The following INSL6 variants were observed in gnomAD, a reference collection of about 807,000 sequenced individuals.
INSL6 encodes insulin-like peptide INSL6.
INSL6 carries 16 observed loss-of-function variants against 9.4 expected under a neutral mutation model. That is an observed-to-expected ratio of 1.70 (90% CI 1.15 to 2.59). The LOEUF (loss-of-function observed/expected upper bound fraction) is 2.59, where lower values mean the gene tolerates loss of function less well. INSL6 is among the 30% of genes most tolerant of loss of function. INSL6 has a pLI of 0.00. For missense variants in INSL6, 391 were observed against 257.3 expected, an observed-to-expected ratio of 1.52 and a Z score of -3.56; for synonymous variants, 154 against 96.9, an observed-to-expected ratio of 1.59 and a Z score of -3.46.
chr9:5,071,392 A>G, the INSL6 span, among the ~76,000 whole-genome samples: 7 of 152,354 alleles, frequency 4.6e-5, no homozygotes, highest in East Asian at 1.3e-3. Flanking sequence ...GATACAGACT[A>G]TAAAATACAT....
the INSL6 span, among the ~76,000 whole-genome samples, chr9:5,106,640 G>C: frequency 6.6e-6 from 1 of 152,124 alleles, no homozygotes; most frequent in East Asian, 1.9e-4. Flanking sequence ...GCAAAGACTT[G>C]GAACCAACCC....
chr9:5,078,268 G>C, the INSL6 span: 1 of 1,573,594 alleles, frequency 6.4e-7, no homozygotes, highest in Non-Finnish European at 8.7e-7. Flanking sequence ...AGTACTTGTG[G>C]ACTGATATTT....
chr9:5,175,522 G>A (rs996005681), intron 1 of INSL6, among the ~76,000 whole-genome samples: 9 of 152,098 alleles, frequency 5.9e-5, no homozygotes, highest in East Asian at 1.9e-4. Flanking sequence ...TAAAACAGGG[G>A]GTCCCCAACC....
rs775568041 is a variant in INSL6, at chr9:5,126,378, G to C, written c.*11-1867C>G. ...CAATGACAAACAAGGACAGATGATC[G>C]TGTTCCATTTGATAGAACTTTTGAA... On this transcript the variant is annotated intron_variant, in intron 3 of 3. Coordinates refer to the INSL6 transcript ENST00000649639. 4.3e-6 allele frequency: 7 copies of C among 1,610,960 alleles called. No individual in the cohort carries two copies. The South Asian group carries it at 6.6e-5, about 15-fold the overall frequency.
the INSL6 span, chr9:5,077,719 A>G: frequency 6.2e-6 from 3 of 484,256 alleles, no homozygotes; most frequent in East Asian, 1.2e-4. Flanking sequence ...AGGTGATAAA[A>G]AGAGATTACT....
intron 2 of INSL6, among the ~76,000 whole-genome samples, chr9:5,152,273 A>G (rs1824727405): frequency 6.6e-6 from 1 of 152,206 alleles, no homozygotes; most frequent in South Asian, 2.1e-4. Flanking sequence ...AAAATAGCAG[A>G]ATACACGTTT....
At chr9:5,158,214 A>G (rs1409719078) in intron 2 of INSL6, among the ~76,000 whole-genome samples, 1 of 152,188 alleles carries the variant, frequency 6.6e-6, no homozygotes, top group Non-Finnish European at 1.5e-5. Flanking sequence ...AAATAGCCCA[A>G]AAAGGGCAAA....
the INSL6 span, among the ~76,000 whole-genome samples, chr9:5,019,234 T>G: frequency 2.0e-5 from 3 of 152,166 alleles, no homozygotes; most frequent in African/African-American, 7.2e-5. Flanking sequence ...TCATGCAGGC[T>G]TTGTTCATTC....
the INSL6 span, among the ~76,000 whole-genome samples, chr9:5,035,864 T>C: frequency 1.3e-5 from 2 of 152,200 alleles, no homozygotes; most frequent in African/African-American, 4.8e-5. Context: ...CAACATAGTG[T>C]TGGAAGTTCT....
At chr9:5,004,539 G>A in the INSL6 span, among the ~76,000 whole-genome samples, 3 of 152,116 alleles carry the variant, frequency 2.0e-5, no homozygotes, top group Non-Finnish European at 4.4e-5. Context: ...TTCATCTGTT[G>A]ATGGACACTT....
the INSL6 span, chr9:5,109,864 C>G: frequency 2.0e-5 from 3 of 152,286 alleles, no homozygotes; most frequent in South Asian, 6.2e-4. Context: ...CAATATTCCA[C>G]CAACAAACTC....
the INSL6 span, among the ~76,000 whole-genome samples, chr9:5,118,470 A>C: frequency 6.6e-6 from 1 of 152,342 alleles, no homozygotes; most frequent in South Asian, 2.1e-4. Flanking sequence ...TTATCATTGA[A>C]GTTACTAGGA....
At chr9:5,078,570 C>A in the INSL6 span, 1 of 722,582 alleles carries the variant, frequency 1.4e-6, no homozygotes, top group Non-Finnish European at 2.2e-6. Context: ...ATAAAATTAT[C>A]ACTTTTAGCA....
chr9:5,080,664 T>C, the INSL6 span: 2 of 1,589,588 alleles, frequency 1.3e-6, no homozygotes, highest in Admixed American at 3.7e-5. Context: ...TACGAGATCT[T>C]AACAGTTTGT....
intron 1 of INSL6, among the ~76,000 whole-genome samples, chr9:5,175,350 C>T (rs572711791): frequency 6.6e-6 from 1 of 152,256 alleles, no homozygotes; most frequent in African/African-American, 2.4e-5. Flanking sequence ...TCATCTAAGA[C>T]CCTCCCTAAC....
chr9:5,142,138 A>G (rs987539643), intron 2 of INSL6, among the ~76,000 whole-genome samples: 1 of 152,120 alleles, frequency 6.6e-6, no homozygotes, highest in African/African-American at 2.4e-5. Flanking sequence ...GCAGTTTGAA[A>G]TAGGGTAGCA....
At chr9:5,119,847 T>C (rs1398673798), downstream of INSL6, among the ~76,000 whole-genome samples, 1 of 152,200 alleles carries the variant, frequency 6.6e-6, no homozygotes, top group African/African-American at 2.4e-5. Context: ...AGTTAGCATA[T>C]AGTTTTATTT....
the INSL6 span, among the ~76,000 whole-genome samples, chr9:5,045,616 T>C: frequency 1.3e-5 from 2 of 152,158 alleles, no homozygotes; most frequent in South Asian, 4.1e-4. Context: ...TTCTACTTTC[T>C]GAATATAAAT....
the INSL6 span, among the ~76,000 whole-genome samples, chr9:5,077,985 C>T: frequency 3.9e-5 from 6 of 152,292 alleles, no homozygotes; most frequent in East Asian, 1.2e-3. Flanking sequence ...GCACCTATGT[C>T]CTGCTGCAGA....
Sources: gnomAD v4.1 joint callset for allele counts (sites outside exome capture counted in the v4.1 genomes callset) on GRCh38, gnomAD v4.1.1 for gene constraint, MANE v1.5 for transcripts, NCBI Gene and HGNC (gene_info 2026-07-23, HGNC 2026-07-21) for gene names.